Variants in TCEA1 observed in about 807,000 individuals in gnomAD.
TCEA1 encodes transcription elongation factor A1, also known as transcription elongation factor A protein 1.
Under a neutral mutation model 43.8 loss-of-function variants are expected in TCEA1, and 21 were observed. That is an observed-to-expected ratio of 0.48 (90% CI 0.34 to 0.69). The LOEUF (loss-of-function observed/expected upper bound fraction) is 0.69, where lower values mean the gene tolerates loss of function less well. Among genes scored for constraint, TCEA1 ranks in the 30% least tolerant of loss-of-function variants. TCEA1 has a pLI of 0.01. For missense variants in TCEA1, 250 were observed against 365.1 expected (o/e 0.68, Z 2.57); for synonymous variants, 104 against 117.5 (o/e 0.88, Z 0.75).
chr8:54,008,627 T>C (rs1002555940), intron 2 of TCEA1, among the ~76,000 whole-genome samples: 1 of 150,092 alleles, frequency 6.7e-6, no homozygotes, highest in South Asian at 2.1e-4. Context: ...GATCATGTCA[T>C]TGCACTACAA....
chr8:53,988,409 G>A, intron 4 of TCEA1, 150 bp from the exon 5 acceptor site: 1 of 914,112 alleles, frequency 1.1e-6, no homozygotes, highest in Non-Finnish European at 1.5e-6. Context: ...AAAATTGCCT[G>A]CATACAGATT....
intron 8 of TCEA1, 96 bp from the exon 9 acceptor site, chr8:53,970,559 AATGG>A: frequency 3.2e-6 from 2 of 627,132 alleles, no homozygotes; most frequent in Non-Finnish European, 5.5e-6. Context: ...TAATAAATAT[AATGG>A]TACCACAATA....
intron 6 of TCEA1, among the ~76,000 whole-genome samples, chr8:53,985,272 C>A (rs577088730): frequency 1.8e-3 from 270 of 152,334 alleles, no homozygotes; most frequent in Non-Finnish European, 3.2e-3. Flanking sequence ...CCGTCTCGGC[C>A]TCTCAAAGTG....
At chr8:53,989,083 C>T (rs1441506439) in intron 4 of TCEA1, among the ~76,000 whole-genome samples, 2 of 150,986 alleles carry the variant, frequency 1.3e-5, no homozygotes, top group East Asian at 3.9e-4. Flanking sequence ...AAAAAAAGAA[C>T]AAAAAGAAAA....
intron 1 of TCEA1, among the ~76,000 whole-genome samples, chr8:54,014,626 T>C (rs1171226271): frequency 6.6e-6 from 1 of 152,220 alleles, no homozygotes; most frequent in Non-Finnish European, 1.5e-5. Context: ...TTGGTGCTCC[T>C]ATCTGGTAAT....
chr8:53,990,253 C>G (rs1215471172), intron 4 of TCEA1, among the ~76,000 whole-genome samples: 2 of 150,968 alleles, frequency 1.3e-5, no homozygotes, highest in African/African-American at 4.9e-5. Flanking sequence ...GAGAAAGGGT[C>G]TATGTTGTCC....
At chr8:53,996,179 T>C (rs149399675) in intron 3 of TCEA1, among the ~76,000 whole-genome samples, 32 of 152,354 alleles carry the variant, frequency 2.1e-4, no homozygotes, top group South Asian at 4.1e-4. Context: ...AGTGAATTAG[T>C]ACAATCCTTT....
intron 1 of TCEA1, among the ~76,000 whole-genome samples, chr8:54,019,067 G>C (rs1221014694): frequency 6.6e-6 from 1 of 152,182 alleles, no homozygotes; most frequent in Non-Finnish European, 1.5e-5. Context: ...GAATAAATGG[G>C]ATAAGGTGGG....
intron 3 of TCEA1, among the ~76,000 whole-genome samples, chr8:53,994,726 C>T (rs531068814): frequency 2.0e-5 from 3 of 151,926 alleles, no homozygotes; most frequent in Non-Finnish European, 4.4e-5. Flanking sequence ...AAAAAATTAG[C>T]CGGGCGTGGT....
chr8:54,005,738 C>T (rs2129310713), intron 2 of TCEA1, among the ~76,000 whole-genome samples: 1 of 152,308 alleles, frequency 6.6e-6, no homozygotes, highest in South Asian at 2.1e-4. Flanking sequence ...CCTCATCACT[C>T]CTCACCTGAA....
intron 9 of TCEA1, 88 bp downstream of exon 9, chr8:53,970,304 T>G: frequency 1.1e-6 from 1 of 873,460 alleles, no homozygotes; most frequent in Non-Finnish European, 2.0e-6. Context: ...CTGTATATAT[T>G]TAGATATCTA....
Position 53,970,380 on chromosome 8 carries a change from G to T in TCEA1, c.897+12C>A. On this transcript the variant is annotated intron_variant, in intron 9 of 9. Coordinates refer to ENST00000521604, the MANE Select transcript of TCEA1 (RefSeq NM_006756.4). ...AAGTGAGTATATAATATGAATCCAA[G>T]AGAGTCCATACCTTCCATCGATTTC... 24 of 1,574,868 alleles carry T rather than the reference G, an allele frequency of 1.5e-5. No homozygotes were observed. Among genetic ancestry groups the T allele is most frequent in the Non-Finnish European group, 2.1e-5 (24 of 1,146,478 alleles).
chr8:54,009,455 AT>A (rs773922744), intron 2 of TCEA1, among the ~76,000 whole-genome samples: 1 of 152,238 alleles, frequency 6.6e-6, no homozygotes, highest in Non-Finnish European at 1.5e-5. Flanking sequence ...GATAAAGAAA[AT>A]TTAATGTATA....
At chr8:53,972,544 CA>C in intron 8 of TCEA1, 1 of 546,260 alleles carries the variant, frequency 1.8e-6, no homozygotes. Flanking sequence ...AGATTAAAGG[CA>C]AAAGATTTGC....
Position 53,993,743 on chromosome 8 carries a change from G to T in TCEA1, c.245C>A (p.Thr82Asn), listed in dbSNP as rs1159369417. 1 of 1,612,386 alleles carries T rather than the reference G, an allele frequency of 6.2e-7. No individual in the cohort carries two copies. Residue 82 changes from threonine (T) to asparagine (N), a missense_variant, in exon 4 of 10, where the codon ACT (threonine) becomes AAT (asparagine). By Grantham distance (65) the Thr-to-Asn change is moderately conservative. This residue lies in a region of TCEA1 where 147 missense variants were observed against 160.3 expected (regional missense o/e 0.92). Transcript: ENST00000521604. ...SWKKLLDGPS[T>N]EKDLDEKKKE... ...CTTCTTTTCGTCAAGGTCTTTCTCA[G>T]TTGATGGCCCATCTGAAAATTATGA...
intron 1 of TCEA1, among the ~76,000 whole-genome samples, chr8:54,015,512 T>C (rs1279346155): frequency 6.6e-6 from 1 of 152,188 alleles, no homozygotes; most frequent in Non-Finnish European, 1.5e-5. Context: ...ATTTGAGTTG[T>C]AGCTCAATAA....
intron 1 of TCEA1, among the ~76,000 whole-genome samples, chr8:54,017,747 C>T (rs1051810567): frequency 1.3e-5 from 2 of 152,172 alleles, no homozygotes; most frequent in Non-Finnish European, 2.9e-5. Flanking sequence ...ATGGTAAAAT[C>T]CCATCTCTAC....
intron 7 of TCEA1, among the ~76,000 whole-genome samples, chr8:53,981,327 GAGA>G (rs1313285926): frequency 6.6e-6 from 1 of 152,336 alleles, no homozygotes; most frequent in East Asian, 1.9e-4. Flanking sequence ...CACAGCTAAA[GAGA>G]AGAAGTCAAC....
rs967341354 is a variant in TCEA1 at position 53,995,457 on chromosome 8, CA to C, written c.233-1703del. Among the ~76,000 whole-genome samples, 16 of 151,656 alleles carry C rather than the reference CA, an allele frequency of 1.1e-4. 1 individual carries two copies. In the East Asian group the frequency reaches 2.7e-3, roughly 26 times the overall value. ...CTGGATGACAGAGTGATACCTGTCT[CA>C]AAAAAAACAAAACAAAAACAAAACA... On this transcript the variant is annotated intron_variant, in intron 3 of 9. Coordinates refer to ENST00000521604, the MANE Select transcript of TCEA1 (RefSeq NM_006756.4).
Sources: allele counts gnomAD v4.1 joint callset (sites outside exome capture counted in the v4.1 genomes callset), GRCh38; gene constraint gnomAD v4.1.1; regional missense constraint gnomAD v4.1.1; transcripts MANE v1.5; gene names NCBI Gene and HGNC (gene_info 2026-07-23, HGNC 2026-07-21).